Variants in ARFGAP1 observed in about 807,000 individuals in gnomAD.
ARFGAP1 encodes the protein ARF GTPase activating protein 1.
Under a neutral mutation model 54.0 loss-of-function variants are expected in ARFGAP1, and 26 were observed. The observed-to-expected ratio is 0.48, with a 90% CI of 0.35 to 0.67. The LOEUF (loss-of-function observed/expected upper bound fraction) is 0.67, where lower values mean the gene tolerates loss of function less well. ARFGAP1 is among the 30% of genes least tolerant of loss of function. The pLI is 0.00. For synonymous variants in ARFGAP1, 248 were observed against 211.9 expected, an observed-to-expected ratio of 1.17 and a Z score of -1.48; for missense variants, 525 against 535.8, an observed-to-expected ratio of 0.98 and a Z score of 0.20.
chr20:63,277,333 C>T (rs758221365), intron 5 of ARFGAP1, 28 bp downstream of exon 5: 60 of 1,589,390 alleles, frequency 3.8e-5, no homozygotes, highest in Non-Finnish European at 4.6e-5. Context: ...GGCCTTAGTA[C>T]AGTTTCCACT....
chr20:63,287,798 G>T lies in ARFGAP1; in HGVS notation c.1146G>T (p.Glu382Asp), dbSNP rs1481873837. 8.1e-6 allele frequency: 13 copies of T among 1,597,372 alleles called. No individual in the cohort carries two copies. The highest frequency in any genetic ancestry group is 1.1e-5 in the Non-Finnish European group (13 of 1,172,906). The change falls in exon 13 of 13, where the codon GAG becomes GAT. Residue 382 changes from glutamate (E) to aspartate (D), a missense_variant. Glu to Asp is a conservative substitution (Grantham distance 45). This residue lies in a region of ARFGAP1 where 466 missense variants were observed against 453.6 expected (regional missense o/e 1.03). Transcript: ENST00000370283. ...GGAACAGCAACAGCGACGGCGGGGA[G>T]GGCGGGGAGGGCACCAAGAAGGCAG... ...TNRNSNSDGG[E>D]GGEGTKKAVP...
Position 63,276,044 on chromosome 20 carries a change from G to A in ARFGAP1, c.61-47G>A. ...ACCTGTCGGGTCTTTGGGGTCCCTG[G>A]GCTCTGCCCTGAGCCACCTGGTGAG... On this transcript the variant is annotated intron_variant, in intron 2 of 12. Transcript: ENST00000370283. The surrounding 1 kb of genome is among the most constrained non-coding windows in gnomAD (Gnocchi z 5.2). 1 of 1,576,680 alleles carries A rather than the reference G, an allele frequency of 6.3e-7. No homozygotes were observed. The highest frequency in any genetic ancestry group is 8.7e-7 in the Non-Finnish European group (1 of 1,147,286).
At chr20:63,282,742 A>G in intron 8 of ARFGAP1, 77 bp from the exon 9 acceptor site, 1 of 1,506,706 alleles carries the variant, frequency 6.6e-7, no homozygotes, top group Non-Finnish European at 9.2e-7. Flanking sequence ...CCTGGACCTG[A>G]GTCTGTGGGC....
At position 63,288,197 on chromosome 20, in the gene ARFGAP1, G is replaced by A; in HGVS notation, c.*324G>A. 1.8e-6 allele frequency: 1 copy of A among 566,258 alleles called. No homozygotes were observed. Among genetic ancestry groups the A allele is most frequent in the Non-Finnish European group, 3.3e-6 (1 of 301,492 alleles). 35.1% of individuals were successfully genotyped at this position (566,258 alleles called of 1,614,324 possible). A position where few individuals can be genotyped will look rare whatever the true frequency, so the allele number is the denominator to read the frequency against. On this transcript the variant is annotated 3_prime_UTR_variant, in exon 13 of 13. Transcript: ENST00000370283. The stretch of plus-strand genomic sequence containing the variant: ...CACAGAGGCCTGTGACTGCGTTCCA[G>A]CGGCCAGTTCACTACGCAGTATCTC...
Position 63,276,242 on chromosome 20 carries a change from C to T in ARFGAP1, c.170+42C>T. On this transcript the variant is annotated intron_variant, in intron 3 of 12. Transcript: ENST00000370283. The surrounding 1 kb of genome is among the most constrained non-coding windows in gnomAD (Gnocchi z 5.2). Reference sequence around the variant, plus strand: ...TCTGGCTCTGCGGAGAGCCTGCGGCCACCCCAGCATCTGTTCCTGACACCA... The same window carrying T: ...TCTGGCTCTGCGGAGAGCCTGCGGCTACCCCAGCATCTGTTCCTGACACCA... 1.2e-6 allele frequency: 2 copies of T among 1,600,076 alleles called. No individual in the cohort carries two copies. Among genetic ancestry groups the T allele is most frequent in the Non-Finnish European group, 8.6e-7 (1 of 1,168,336 alleles).
At chr20:63,287,221 G>C (rs1302612042) in intron 12 of ARFGAP1, among the ~76,000 whole-genome samples, 1 of 152,270 alleles carries the variant, frequency 6.6e-6, no homozygotes, top group South Asian at 2.1e-4. Context: ...GCTCGGGAGG[G>C]CCTGTGTCCC....
rs1006758331 is a variant in ARFGAP1 at position 63,284,152 on chromosome 20, A to G, written c.718-714A>G. On this transcript the variant is annotated intron_variant, in intron 9 of 12. Coordinates refer to ENST00000370283, the MANE Select transcript of ARFGAP1 (RefSeq NM_018209.4). Reference sequence around the variant, plus strand: ...CCATCTCCAAAACACACAGACCCCCAACGCAGGCCTGCTGCCGGGGAGGTG... The same window carrying G: ...CCATCTCCAAAACACACAGACCCCCGACGCAGGCCTGCTGCCGGGGAGGTG... 1.4e-5 allele frequency: 19 copies of G among 1,319,754 alleles called. No homozygotes were observed. In the African/African-American group the frequency reaches 2.9e-4, roughly 20 times the overall value. The allele number at this position is 1,319,754 out of a possible 1,614,324, so 81.8% of individuals were successfully genotyped here.
chr20:63,283,207 C>A, intron 9 of ARFGAP1: 2 of 393,730 alleles, frequency 5.1e-6, no homozygotes, highest in South Asian at 3.1e-5. Flanking sequence ...GTGGTTGGTG[C>A]TGTGCCTGCG....
chr20:63,281,386 G>C (rs747868230), intron 8 of ARFGAP1, 39 bp downstream of exon 8: 1 of 1,567,394 alleles, frequency 6.4e-7, no homozygotes, highest in Admixed American at 1.8e-5. Flanking sequence ...TCCCCACCAG[G>C]CCCTCGGGAC....
Position 63,278,259 on chromosome 20 carries a change from C to T in ARFGAP1, c.530+56C>T, listed in dbSNP as rs975092124. 5.1e-6 allele frequency: 8 copies of T among 1,581,648 alleles called. No homozygotes were observed. The African/African-American group carries it at 9.4e-5, about 19-fold the overall frequency. On this transcript the variant is annotated intron_variant, in intron 6 of 12. Coordinates refer to ENST00000370283, the MANE Select transcript of ARFGAP1 (RefSeq NM_018209.4). ...GTGGGCCAGGCCCACAGGGTTCAGT[C>T]TGGTGGGTAGGGCTGCTTCCCTTGG... is the stretch of plus-strand genomic sequence containing the variant.
rs753214798 is a variant in ARFGAP1, at chr20:63,277,220, G to A, written c.358G>A (p.Glu120Lys). The A allele has an allele frequency of 7.4e-6, 12 of 1,612,296 alleles. No individual in the cohort carries two copies. Among genetic ancestry groups the A allele is most frequent in the East Asian group, 2.2e-5 (1 of 44,836 alleles). ...LFRDKVVALA[E>K]GREWSLESSP... is the part of the protein sequence containing the mutation. The stretch of plus-strand genomic sequence containing the variant: ...TCCTTGTCAGGTGGTCGCTCTGGCC[G>A]AAGGCAGAGAGTGGTCTCTGGAGTC... Residue 120 changes from glutamate to lysine, a missense_variant, in exon 5 of 13, where the codon GAA (glutamate) becomes AAA (lysine). Around this residue, in one of 3 missense-constraint regions of ARFGAP1, gnomAD observed 466 missense variants for 453.6 expected, o/e 1.03. Transcript: ENST00000370283.
At chr20:63,285,598 G>A (rs779039108) in intron 10 of ARFGAP1, 56 bp from the exon 11 acceptor site, 79 of 1,576,506 alleles carry the variant, frequency 5.0e-5, no homozygotes, top group Non-Finnish European at 6.6e-5. Flanking sequence ...CACTCCTGAA[G>A]CTTTAAGCTT....
In ARFGAP1 at chr20:63,288,037, C is replaced by T. The variant is rs989429893; in HGVS notation, c.*164C>T. 1.4e-5 allele frequency: 12 copies of T among 849,812 alleles called. No individual in the cohort carries two copies. Among genetic ancestry groups the T allele is most frequent in the African/African-American group, 3.4e-5 (2 of 58,640 alleles). 52.6% of individuals were successfully genotyped at this position (849,812 alleles called of 1,614,324 possible). Reference sequence around the variant, plus strand: ...GGGAGACCCGGGTGTGCGCCGCCTGCGCGTGGGGAGTCTTCGGTGCGTGGG... The same window carrying T: ...GGGAGACCCGGGTGTGCGCCGCCTGTGCGTGGGGAGTCTTCGGTGCGTGGG... On this transcript the variant is annotated 3_prime_UTR_variant, in exon 13 of 13. Coordinates refer to ENST00000370283, the MANE Select transcript of ARFGAP1 (RefSeq NM_018209.4).
chr20:63,287,756 C>T lies in ARFGAP1; in HGVS notation c.1104C>T (p.Gly368=), dbSNP rs764663660. Residue 368 remains glycine (G), a synonymous_variant, in exon 13 of 13, where the codon GGC becomes GGT. Coordinates refer to ENST00000370283, the MANE Select transcript of ARFGAP1 (RefSeq NM_018209.4). ...GCTCGGACAGCTGGGAGGTGTGGGG[C>T]TCGGCCTCCACCAACAGGAACAGCA... The part of the protein sequence containing the change: ...RRSSDSWEVW[G]SASTNRNSNS... 14 of 1,609,896 alleles carry T rather than the reference C, an allele frequency of 8.7e-6. No individual in the cohort carries two copies. The Admixed American group carries it at 2.3e-4, about 27-fold the overall frequency.
chr20:63,278,855 G>C, intron 6 of ARFGAP1, 44 bp from the exon 7 acceptor site: 1 of 1,601,680 alleles, frequency 6.2e-7, no homozygotes, highest in South Asian at 1.1e-5. Flanking sequence ...GGAGGAGCAG[G>C]GTTCATGCCA....
chr20:63,279,222 G>A (rs1257108774), intron 7 of ARFGAP1: 3 of 618,738 alleles, frequency 4.8e-6, no homozygotes, highest in East Asian at 3.2e-5. Context: ...TTTTTAAGAC[G>A]GAGTCTTGCT....
rs1479766367 is a variant in ARFGAP1, at chr20:63,288,709, C to T, written c.*836C>T. 8.4e-6 allele frequency: 3 copies of T among 357,280 alleles called. No homozygotes were observed. The highest frequency in any genetic ancestry group is 1.0e-3 in the Middle Eastern group (1 of 992). 22.1% of individuals were successfully genotyped at this position (357,280 alleles called of 1,614,324 possible). On this transcript the variant is annotated 3_prime_UTR_variant, in exon 13 of 13. Coordinates refer to ENST00000370283, the MANE Select transcript of ARFGAP1 (RefSeq NM_018209.4). Reference sequence around the variant, plus strand: ...AGCAGGGGATGCCTGTGCGTGGTGCCTGGGTCTAGGGAAGCTCCAGCCCCA... The same window carrying T: ...AGCAGGGGATGCCTGTGCGTGGTGCTTGGGTCTAGGGAAGCTCCAGCCCCA...
At position 63,276,047 on chromosome 20, in the gene ARFGAP1, T is replaced by C. The variant is rs2067227819; in HGVS notation, c.61-44T>C. 1 of 1,584,110 alleles carries C rather than the reference T, an allele frequency of 6.3e-7. No individual in the cohort carries two copies. Among genetic ancestry groups the C allele is most frequent in the Non-Finnish European group, 8.7e-7 (1 of 1,153,950 alleles). On this transcript the variant is annotated intron_variant, in intron 2 of 12. Transcript: ENST00000370283. The surrounding 1 kb of genome is among the most constrained non-coding windows in gnomAD (Gnocchi z 5.2). ...TGTCGGGTCTTTGGGGTCCCTGGGC[T>C]CTGCCCTGAGCCACCTGGTGAGTCA...
intron 10 of ARFGAP1, chr20:63,285,413 G>C (rs1474882546): frequency 1.2e-5 from 7 of 583,790 alleles, no homozygotes; most frequent in Non-Finnish European, 1.8e-5. Flanking sequence ...AGGTCACGTT[G>C]CTATTTGTCA....
Sources: gnomAD v4.1 joint callset for allele counts (sites outside exome capture counted in the v4.1 genomes callset) on GRCh38, gnomAD v4.1.1 for gene constraint, gnomAD v4.1.1 regional missense constraint, Gnocchi (gnomAD v3.1) non-coding constraint, MANE v1.5 for transcripts, NCBI Gene and HGNC (gene_info 2026-07-23, HGNC 2026-07-21) for gene names.